Variants in CSMD1 observed in about 807,000 individuals in gnomAD.
CSMD1 encodes CUB and sushi domain-containing protein 1.
Under a neutral mutation model 417.5 loss-of-function variants are expected in CSMD1, and 213 were observed. That is an observed-to-expected ratio of 0.51 (90% confidence interval 0.46 to 0.57). CSMD1 has a LOEUF of 0.57. Among genes scored for constraint, CSMD1 ranks in the 20% least tolerant of loss-of-function variants. The pLI is 0.00. For synonymous variants in CSMD1, 2,862 were observed against 1,736.8 expected (o/e 1.65, Z -16.11); for missense variants, 6,923 against 4,529.7 (o/e 1.53, Z -15.17).
At chr8:4,024,146 T>C (rs775800301) in intron 4 of CSMD1, among the ~76,000 whole-genome samples, 1 of 151,986 alleles carries the variant, frequency 6.6e-6, no homozygotes, top group African/African-American at 2.4e-5. Flanking sequence ...ATTAAAGAAA[T>C]ACAGCATAAA....
chr8:3,259,028 G>C (rs955307209), intron 26 of CSMD1, among the ~76,000 whole-genome samples: 1 of 152,134 alleles, frequency 6.6e-6, no homozygotes, highest in African/African-American at 2.4e-5. Context: ...TCTAGGTTAG[G>C]CACAAAGGTA....
rs1800592177 is a variant in CSMD1, at chr8:3,586,196, T to C, written c.1162A>G (p.Thr388Ala). ...NYVLQGSKSITCQRVTETLAA... is the reference protein window; with the variant it reads ...NYVLQGSKSIACQRVTETLAA... ...AGCGTCTCTGTAACTCTCTGACAGGTGATGCTTTTAGATCCCTGGAGCACG... is the reference window on the plus strand; with the variant it reads ...AGCGTCTCTGTAACTCTCTGACAGGCGATGCTTTTAGATCCCTGGAGCACG... The change falls in exon 9 of 70, where the codon ACC becomes GCC. Residue 388 changes from threonine to alanine, a missense_variant. Transcript: ENST00000635120. 6.2e-7 allele frequency: 1 copy of C among 1,612,204 alleles called. No individual in the cohort carries two copies. Among genetic ancestry groups the C allele is most frequent in the South Asian group, 1.1e-5 (1 of 90,882 alleles).
intron 1 of CSMD1, among the ~76,000 whole-genome samples, chr8:4,985,973 A>T (rs1212707180): frequency 1.3e-5 from 2 of 152,186 alleles, no homozygotes; most frequent in Non-Finnish European, 2.9e-5. Context: ...GACTCTTCTT[A>T]GTTTGCCAAG....
chr8:4,569,799 G>T (rs1055521778), intron 2 of CSMD1, among the ~76,000 whole-genome samples: 2 of 152,176 alleles, frequency 1.3e-5, no homozygotes, highest in South Asian at 2.1e-4. Context: ...CCATTTGTTT[G>T]TGTCCTCTTT....
chr8:4,336,629 G>A (rs946312685), intron 3 of CSMD1, among the ~76,000 whole-genome samples: 1 of 152,152 alleles, frequency 6.6e-6, no homozygotes, highest in African/African-American at 2.4e-5. Context: ...TTGCACAAAT[G>A]AGCACATGAG....
At chr8:4,310,273 C>G (rs1798488132) in intron 3 of CSMD1, among the ~76,000 whole-genome samples, 2 of 152,152 alleles carry the variant, frequency 1.3e-5, no homozygotes, top group Admixed American at 6.5e-5. Flanking sequence ...GAACTGTTAT[C>G]ATGGCTGCTT....
At chr8:2,951,836 C>T (rs1322752680) in intron 65 of CSMD1, among the ~76,000 whole-genome samples, 1 of 152,166 alleles carries the variant, frequency 6.6e-6, no homozygotes, top group African/African-American at 2.4e-5. Flanking sequence ...CCCTCTCTGT[C>T]ATTCATACTC....
At chr8:4,206,201 CT>C (rs1460307673) in intron 3 of CSMD1, among the ~76,000 whole-genome samples, 1 of 152,032 alleles carries the variant, frequency 6.6e-6, no homozygotes, top group African/African-American at 2.4e-5. Context: ...ATTTCTTTTT[CT>C]TTTTTTAAAT....
intron 17 of CSMD1, 144 bp from the exon 18 acceptor site, chr8:3,387,826 T>C (rs1385207106): frequency 1.6e-6 from 1 of 643,950 alleles, no homozygotes; most frequent in African/African-American, 1.8e-5. Flanking sequence ...TCCATGGACA[T>C]AAAAGCCAAT....
At chr8:4,250,231 A>G (rs1044531309) in intron 3 of CSMD1, among the ~76,000 whole-genome samples, 2 of 152,158 alleles carry the variant, frequency 1.3e-5, no homozygotes, top group African/African-American at 2.4e-5. Flanking sequence ...CAACAACACA[A>G]ATGTACTAAG....
chr8:4,421,980 CAG>C (rs1797274535), intron 2 of CSMD1, among the ~76,000 whole-genome samples: 1 of 151,960 alleles, frequency 6.6e-6, no homozygotes. Context: ...ACTATGAACT[CAG>C]AATTCATCAT....
intron 5 of CSMD1, among the ~76,000 whole-genome samples, chr8:3,992,438 T>C (rs1339527122): frequency 6.6e-6 from 1 of 152,132 alleles, no homozygotes; most frequent in African/African-American, 2.4e-5. Context: ...AGTGTTGAGG[T>C]GCATAGCTTA....
intron 1 of CSMD1, among the ~76,000 whole-genome samples, chr8:4,750,209 G>A (rs60208878): frequency 0.2 from 30,348 of 151,684 alleles, 3,364 homozygotes; most frequent in African/African-American, 0.3. Context: ...GGGTTTCACC[G>A]TGTTAGCCAC....
intron 5 of CSMD1, among the ~76,000 whole-genome samples, chr8:3,932,791 T>C (rs1779010224): frequency 6.6e-6 from 1 of 150,552 alleles, no homozygotes; most frequent in African/African-American, 2.5e-5. Context: ...TGAGTTTTCA[T>C]TTCAATTGGA....
intron 1 of CSMD1, among the ~76,000 whole-genome samples, chr8:4,759,246 G>A (rs932268121): frequency 1.3e-5 from 2 of 152,128 alleles, no homozygotes; most frequent in East Asian, 3.9e-4. Flanking sequence ...AGTGTCGTTG[G>A]ATGATGACTG....
At chr8:4,655,104 A>T (rs993936138) in intron 1 of CSMD1, among the ~76,000 whole-genome samples, 1 of 151,564 alleles carries the variant, frequency 6.6e-6, no homozygotes, top group Non-Finnish European at 1.5e-5. Flanking sequence ...ATTTACCTAT[A>T]TTACTAATTT....
At chr8:4,197,049 T>G (rs1799377914) in intron 3 of CSMD1, among the ~76,000 whole-genome samples, 1 of 152,206 alleles carries the variant, frequency 6.6e-6, no homozygotes, top group African/African-American at 2.4e-5. Context: ...AATTTAACAA[T>G]TATTCACTGA....
intron 3 of CSMD1, among the ~76,000 whole-genome samples, chr8:4,093,710 C>T (rs1047975818): frequency 6.6e-6 from 1 of 152,090 alleles, no homozygotes; most frequent in African/African-American, 2.4e-5. Flanking sequence ...ACTGTAATTT[C>T]GGCACTTTGG....
At chr8:4,687,467 G>C (rs977290467) in intron 1 of CSMD1, among the ~76,000 whole-genome samples, 2 of 152,196 alleles carry the variant, frequency 1.3e-5, no homozygotes, top group Admixed American at 6.5e-5. Context: ...AAGTCCACCT[G>C]ATCAATTTAG....
Sources: allele counts gnomAD v4.1 joint callset (sites outside exome capture counted in the v4.1 genomes callset), GRCh38; gene constraint gnomAD v4.1.1; transcripts MANE v1.5; gene names NCBI Gene and HGNC (gene_info 2026-07-23, HGNC 2026-07-21).